MCTP2: variants seen among roughly 807,000 people sequenced by gnomAD.
MCTP2 encodes multiple C2 and transmembrane domain containing 2, also known as multiple C2 and transmembrane domain-containing protein 2.
MCTP2 carries 132 observed loss-of-function variants against 111.6 expected under a neutral mutation model. The observed-to-expected ratio is 1.18, with a 90% CI of 1.03 to 1.37. MCTP2 has a LOEUF of 1.37. Ranked by LOEUF, MCTP2 falls within the 40% of genes most tolerant of loss-of-function variation. MCTP2 has a pLI of 0.00. For synonymous variants in MCTP2, 395 were observed against 387.7 expected, an observed-to-expected ratio of 1.02 and a Z score of -0.22; for missense variants, 1,183 against 1,067.9, an observed-to-expected ratio of 1.11 and a Z score of -1.50.
intron 14 of MCTP2, among the ~76,000 whole-genome samples, chr15:94,391,630 C>T (rs890370676): frequency 9.2e-5 from 14 of 152,162 alleles, no homozygotes; most frequent in African/African-American, 3.1e-4. Flanking sequence ...TTCACCTCTT[C>T]TCATTGTCTA....
intron 2 of MCTP2, among the ~76,000 whole-genome samples, chr15:94,303,621 A>C (rs2075748204): frequency 6.6e-6 from 1 of 152,232 alleles, no homozygotes; most frequent in African/African-American, 2.4e-5. Flanking sequence ...TCACGAGAAC[A>C]GCATGGGAAA....
intron 21 of MCTP2, among the ~76,000 whole-genome samples, chr15:94,471,261 G>A (rs933857380): frequency 3.3e-5 from 5 of 152,158 alleles, no homozygotes; most frequent in South Asian, 2.1e-4. Context: ...TATGACTGCC[G>A]ATGAATTCTC....
chr15:94,366,847 G>A (rs1005832479), intron 10 of MCTP2, among the ~76,000 whole-genome samples: 4 of 152,210 alleles, frequency 2.6e-5, no homozygotes, highest in South Asian at 2.1e-4. Context: ...AAATGGCTTA[G>A]CACCTCAGTC....
At chr15:94,299,618 A>G (rs2075502900) in intron 2 of MCTP2, among the ~76,000 whole-genome samples, 2 of 152,224 alleles carry the variant, frequency 1.3e-5, no homozygotes, top group Non-Finnish European at 2.9e-5. Context: ...CCAAATCATG[A>G]TTTAAGTGAC....
intron 1 of MCTP2, among the ~76,000 whole-genome samples, chr15:94,250,016 T>C (rs1441410806): frequency 6.6e-6 from 1 of 152,180 alleles, no homozygotes; most frequent in African/African-American, 2.4e-5. Context: ...TTATCTGCCT[T>C]TGGAAAAAAT....
intron 17 of MCTP2, among the ~76,000 whole-genome samples, chr15:94,436,175 C>G (rs2083467073): frequency 6.6e-6 from 1 of 152,122 alleles, no homozygotes; most frequent in South Asian, 2.1e-4. Context: ...AGTGCATTCC[C>G]GTTTCCTCCA....
chr15:94,274,496 GA>G (rs1268562133), intron 1 of MCTP2, among the ~76,000 whole-genome samples: 1 of 151,818 alleles, frequency 6.6e-6, no homozygotes. Flanking sequence ...GGATTGTTCA[GA>G]AAAAAAGCAT....
chr15:94,267,710 A>T (rs2073623362), intron 1 of MCTP2, among the ~76,000 whole-genome samples: 1 of 152,028 alleles, frequency 6.6e-6, no homozygotes, highest in South Asian at 2.1e-4. Context: ...AATGTATGAG[A>T]ATTCCGCTTT....
intron 17 of MCTP2, among the ~76,000 whole-genome samples, chr15:94,426,801 A>C (rs115713548): frequency 6.6e-6 from 1 of 152,152 alleles, no homozygotes; most frequent in Non-Finnish European, 1.5e-5. Context: ...GGCATTTAGA[A>C]TATAGCAAGT....
chr15:94,269,150 A>G (rs1337312170), intron 1 of MCTP2, among the ~76,000 whole-genome samples: 1 of 152,222 alleles, frequency 6.6e-6, no homozygotes, highest in African/African-American at 2.4e-5. Flanking sequence ...CCATTGAAGT[A>G]TCTCGTGTTG....
At chr15:94,347,294 T>C (rs1256209625) in intron 8 of MCTP2, among the ~76,000 whole-genome samples, 1 of 152,154 alleles carries the variant, frequency 6.6e-6, no homozygotes, top group African/African-American at 2.4e-5. Context: ...TATTTTAGGA[T>C]TTCCACATTG....
chr15:94,286,076 A>G (rs890509716), intron 1 of MCTP2, among the ~76,000 whole-genome samples: 6 of 152,238 alleles, frequency 3.9e-5, no homozygotes, highest in African/African-American at 1.2e-4. Flanking sequence ...TTGGAAGAAA[A>G]GAGCCAAATT....
At chr15:94,329,153 C>G (rs907928027) in intron 4 of MCTP2, among the ~76,000 whole-genome samples, 3 of 152,026 alleles carry the variant, frequency 2.0e-5, no homozygotes, top group African/African-American at 4.8e-5. Flanking sequence ...GGACAGATAC[C>G]CTACTTTTTT....
At chr15:94,410,517 G>C (rs1332581060) in intron 17 of MCTP2, among the ~76,000 whole-genome samples, 1 of 151,904 alleles carries the variant, frequency 6.6e-6, no homozygotes, top group Non-Finnish European at 1.5e-5. Context: ...TCCAGCCTGG[G>C]CAACAGAGTG....
intron 2 of MCTP2, among the ~76,000 whole-genome samples, chr15:94,299,921 AT>A (rs1374130899): frequency 1.3e-5 from 2 of 152,142 alleles, no homozygotes; most frequent in South Asian, 4.1e-4. Context: ...GACTTTAACT[AT>A]TTTTTTATTT....
chr15:94,439,702 C>T (rs1224109120), intron 17 of MCTP2, among the ~76,000 whole-genome samples: 1 of 152,066 alleles, frequency 6.6e-6, no homozygotes, highest in Non-Finnish European at 1.5e-5. Flanking sequence ...TTCTTGTGTC[C>T]ATATAGTCTC....
chr15:94,306,348 A>T (rs1447992717), intron 2 of MCTP2, among the ~76,000 whole-genome samples: 1 of 152,184 alleles, frequency 6.6e-6, no homozygotes. Context: ...TATTTTTAAC[A>T]TTGCTTATTT....
chr15:94,472,225 A>T (rs1049071140), intron 21 of MCTP2, among the ~76,000 whole-genome samples: 1 of 152,148 alleles, frequency 6.6e-6, no homozygotes, highest in Non-Finnish European at 1.5e-5. Flanking sequence ...CAAAAATACA[A>T]AACTAAGCCA....
chr15:94,457,622 G>A (rs766880080), intron 19 of MCTP2, among the ~76,000 whole-genome samples: 17 of 152,178 alleles, frequency 1.1e-4, no homozygotes, highest in Admixed American at 2.0e-4. Context: ...AAGGATGGAT[G>A]AAATGTCATC....
Sources: gnomAD v4.1 joint callset for allele counts (sites outside exome capture counted in the v4.1 genomes callset) on GRCh38, gnomAD v4.1.1 for gene constraint, MANE v1.5 for transcripts, NCBI Gene and HGNC (gene_info 2026-07-23, HGNC 2026-07-21) for gene names.